Variants in PSTPIP1 observed in about 807,000 individuals in gnomAD.
PSTPIP1 encodes the protein proline-serine-threonine phosphatase interacting protein 1, also known as proline-serine-threonine phosphatase-interacting protein 1.
Under a neutral mutation model 69.6 loss-of-function variants are expected in PSTPIP1, and 66 were observed. That is an observed-to-expected ratio of 0.95 (90% CI 0.78 to 1.16). The LOEUF is 1.16. Ranked by LOEUF, PSTPIP1 falls within the 50% of genes most tolerant of loss-of-function variation. The pLI is 0.00. For missense variants in PSTPIP1, 603 were observed against 557.4 expected (o/e 1.08, Z -0.82); for synonymous variants, 266 against 222.7 (o/e 1.19, Z -1.73).
chr15:77,028,117 GCC>G (rs1021928393), intron 6 of PSTPIP1, among the ~76,000 whole-genome samples: 1 of 151,722 alleles, frequency 6.6e-6, no homozygotes, highest in African/African-American at 2.4e-5. Context: ...ATGGTCCCGG[GCC>G]CTTCCCTTGT....
Position 77,037,430 on chromosome 15 carries a change from G to T in PSTPIP1, c.*254G>T. On this transcript the variant is annotated 3_prime_UTR_variant, in exon 15 of 15. Transcript: ENST00000558012. ...GGAACAAGGGAAGGAGCCTGGATGTGGAGCTCCCCAACTCAGCCGAGGCTT... is the reference window on the plus strand; with the variant it reads ...GGAACAAGGGAAGGAGCCTGGATGTTGAGCTCCCCAACTCAGCCGAGGCTT... 1 of 393,512 alleles carries T rather than the reference G, an allele frequency of 2.5e-6. No homozygotes were observed. Among genetic ancestry groups the T allele is most frequent in the Non-Finnish European group, 4.6e-6 (1 of 215,288 alleles). The allele number at this position is 393,512 out of a possible 1,614,324, so 24.4% of individuals were successfully genotyped here. A position where few individuals can be genotyped will look rare whatever the true frequency, so the allele number is the denominator to read the frequency against.
rs1303470036 is a variant in PSTPIP1, at chr15:77,028,581, C to T, written c.445C>T (p.Arg149Trp). The T allele has an allele frequency of 5.0e-6, 8 of 1,603,146 alleles. No individual in the cohort carries two copies. Among genetic ancestry groups the T allele is most frequent in the Non-Finnish European group, 6.8e-6 (8 of 1,175,592 alleles). ...CAAGAAGACATACGAGCAGAAGTGC[C>T]GGGACGCGGACGACGCGGAGCAGGC... is the stretch of plus-strand genomic sequence containing the variant. Reference protein sequence around the residue: ...ESKKTYEQKCRDADDAEQAFE... With the variant: ...ESKKTYEQKCWDADDAEQAFE... Residue 149 changes from arginine (R) to tryptophan (W), a missense_variant, in exon 7 of 15, where the codon CGG becomes TGG. Physicochemically the swap from Arg to Trp is moderately radical, Grantham distance 101. Coordinates refer to ENST00000558012, the MANE Select transcript of PSTPIP1 (RefSeq NM_003978.5).
At chr15:77,003,181 G>C (rs2075745834) in intron 1 of PSTPIP1, among the ~76,000 whole-genome samples, 1 of 152,182 alleles carries the variant, frequency 6.6e-6, no homozygotes, top group Non-Finnish European at 1.5e-5. Flanking sequence ...TGCGGGCTGT[G>C]AGTGGGATGC....
At position 76,995,447 on chromosome 15, in the gene PSTPIP1, C is replaced by T. The variant is rs557253922; in HGVS notation, c.-127C>T. ...GTGGCTGCCTTCTGAGTGTTGCAGA[C>T]GGCGCCGGCCGGGAAGGGGGGCCTG... On this transcript the variant is annotated 5_prime_UTR_variant, in exon 1 of 15. The change creates a new upstream start codon in the 5' untranslated region. Coordinates refer to ENST00000558012, the MANE Select transcript of PSTPIP1 (RefSeq NM_003978.5). The T allele has an allele frequency of 2.5e-5, 39 of 1,549,200 alleles. No individual in the cohort carries two copies. Among genetic ancestry groups the T allele is most frequent in the African/African-American group, 5.4e-5 (4 of 73,442 alleles).
intron 1 of PSTPIP1, among the ~76,000 whole-genome samples, chr15:77,005,721 T>C (rs930825196): frequency 6.6e-6 from 1 of 152,262 alleles, no homozygotes; most frequent in African/African-American, 2.4e-5. Flanking sequence ...AGGCATCTCC[T>C]GTAAGTAGAA....
At chr15:77,006,056 G>A (rs758333224) in intron 1 of PSTPIP1, among the ~76,000 whole-genome samples, 5 of 152,032 alleles carry the variant, frequency 3.3e-5, no homozygotes, top group Non-Finnish European at 5.9e-5. Flanking sequence ...TTGAGTAACC[G>A]CCAAACAGTT....
chr15:77,000,012 G>A (rs1469516222), intron 1 of PSTPIP1, among the ~76,000 whole-genome samples: 1 of 152,216 alleles, frequency 6.6e-6, no homozygotes, highest in Non-Finnish European at 1.5e-5. Context: ...CACCCTTTGG[G>A]TGGGAACCAC....
rs140508674 is a variant in PSTPIP1, at chr15:77,031,947, G to A, written c.742-351G>A. On this transcript the variant is annotated intron_variant, in intron 10 of 14. Coordinates refer to ENST00000558012, the MANE Select transcript of PSTPIP1 (RefSeq NM_003978.5). The stretch of plus-strand genomic sequence containing the variant: ...CTCCTCGCCTCCTTGAGGTAGAAGG[G>A]CGAGCTCTGGACCCACTCTCCTAGC... Among the ~76,000 whole-genome samples the A allele has an allele frequency of 4.0e-3, 605 of 152,284 alleles. 2 individuals carry two copies. The highest frequency in any genetic ancestry group is 0.014 in the African/African-American group (584 of 41,532).
upstream of PSTPIP1, chr15:76,995,010 G>T (rs1445951700): frequency 1.4e-5 from 17 of 1,185,394 alleles, no homozygotes; most frequent in East Asian, 5.8e-5. Flanking sequence ...ACCTCGGGAG[G>T]GGGCAAGCAG....
At chr15:76,995,105 C>G, upstream of PSTPIP1, 1 of 1,176,916 alleles carries the variant, frequency 8.5e-7, no homozygotes, top group Non-Finnish European at 1.1e-6. Flanking sequence ...GGCCCTGTGC[C>G]TGCCCCGGGG....
At chr15:77,000,476 T>TATATATATATATATATATAC (rs1033258180) in intron 1 of PSTPIP1, among the ~76,000 whole-genome samples, 6 of 146,794 alleles carry the variant, frequency 4.1e-5, no homozygotes, top group African/African-American at 1.5e-4. Context: ...TATATATATA[T>TATATATATATATATATATAC]ACACACACAC....
rs756577454 is a variant in PSTPIP1 at position 77,027,644 on chromosome 15, G to T, written c.355-208G>T. 1 of 634,490 alleles carries T rather than the reference G, an allele frequency of 1.6e-6. No individual in the cohort carries two copies. The highest frequency in any genetic ancestry group is 2.9e-6 in the Non-Finnish European group (1 of 343,168). The allele number at this position is 634,490 out of a possible 1,614,324, so 39.3% of individuals were successfully genotyped here. A position where few individuals can be genotyped will look rare whatever the true frequency, so the allele number is the denominator to read the frequency against. ...CAAGGTCTGCAGCAAGGACCTCACG[G>T]CACACCCATGCCCTGTGATTCTCTG... is the stretch of plus-strand genomic sequence containing the variant. On this transcript the variant is annotated intron_variant, in intron 5 of 14. Coordinates refer to ENST00000558012, the MANE Select transcript of PSTPIP1 (RefSeq NM_003978.5). The surrounding 1 kb of genome is among the most constrained non-coding windows in gnomAD (Gnocchi z 4.3).
chr15:77,007,185 G>T (rs1048849867), intron 1 of PSTPIP1, among the ~76,000 whole-genome samples: 7 of 152,148 alleles, frequency 4.6e-5, no homozygotes, highest in African/African-American at 1.7e-4. Flanking sequence ...GGCCCCACCT[G>T]CTCTCACTCT....
intron 1 of PSTPIP1, chr15:77,015,913 C>T: frequency 2.2e-6 from 1 of 455,804 alleles, no homozygotes; most frequent in South Asian, 1.5e-5. Flanking sequence ...GATCCTGGAG[C>T]CTGCAGCCTC....
At chr15:77,005,622 TACC>T (rs1448452198) in intron 1 of PSTPIP1, among the ~76,000 whole-genome samples, 1 of 152,228 alleles carries the variant, frequency 6.6e-6, no homozygotes, top group Non-Finnish European at 1.5e-5. Context: ...ACAGAAATTG[TACC>T]CATCAAACAA....
chr15:77,020,623 G>C (rs1388475882), intron 3 of PSTPIP1, among the ~76,000 whole-genome samples: 2 of 152,090 alleles, frequency 1.3e-5, no homozygotes, highest in Non-Finnish European at 2.9e-5. Flanking sequence ...TAAAATAAAG[G>C]GCTTTGCCAT....
chr15:77,005,471 C>A (rs2075797133), intron 1 of PSTPIP1, among the ~76,000 whole-genome samples: 1 of 152,194 alleles, frequency 6.6e-6, no homozygotes, highest in African/African-American at 2.4e-5. Flanking sequence ...ATTTGACTCA[C>A]CTGAGTGAGC....
intron 1 of PSTPIP1, 145 bp downstream of exon 1, chr15:76,995,754 T>C (rs1214123277): frequency 1.4e-6 from 2 of 1,449,296 alleles, no homozygotes; most frequent in Non-Finnish European, 1.9e-6. Flanking sequence ...GTCATGGAGG[T>C]GGCCCAGGCC....
chr15:77,036,764 C>G (rs149036825), intron 14 of PSTPIP1, among the ~76,000 whole-genome samples: 1 of 152,094 alleles, frequency 6.6e-6, no homozygotes, highest in Non-Finnish European at 1.5e-5. Flanking sequence ...GATGAGCACC[C>G]GTGACCCCTG....
Sources: allele counts gnomAD v4.1 joint callset (sites outside exome capture counted in the v4.1 genomes callset), GRCh38; gene constraint gnomAD v4.1.1; non-coding constraint Gnocchi (gnomAD v3.1); transcripts MANE v1.5; gene names NCBI Gene and HGNC (gene_info 2026-07-23, HGNC 2026-07-21).